The following SAMD12 variants were observed in gnomAD, a reference collection of about 807,000 sequenced individuals.
The protein encoded by SAMD12 is sterile alpha motif domain containing 12.
SAMD12 carries 9 observed loss-of-function variants against 15.0 expected under a neutral mutation model. The observed-to-expected ratio is 0.60, with a 90% CI of 0.36 to 1.05. The LOEUF is 1.05. SAMD12 is among the 50% of genes least tolerant of loss of function. The pLI is 0.01. For missense variants in SAMD12, 230 were observed against 234.2 expected, an observed-to-expected ratio of 0.98 and a Z score of 0.12; for synonymous variants, 86 against 90.1, an observed-to-expected ratio of 0.96 and a Z score of 0.25.
intron 4 of SAMD12, among the ~76,000 whole-genome samples, chr8:118,342,779 C>T (rs1285135312): frequency 6.6e-6 from 1 of 152,158 alleles, no homozygotes; most frequent in Non-Finnish European, 1.5e-5. Context: ...CAATTAATTA[C>T]TCTAGAAGTT....
At chr8:118,325,023 A>G (rs1816500504) in intron 4 of SAMD12, among the ~76,000 whole-genome samples, 1 of 152,192 alleles carries the variant, frequency 6.6e-6, no homozygotes, top group African/African-American at 2.4e-5. Context: ...AAGGAAGAGC[A>G]AACATGACTG....
rs1823659516 is a variant in SAMD12 at position 118,468,420 on chromosome 8, TATTGCC to T, written c.193-28465_193-28460del. On this transcript the variant is annotated intron_variant, in intron 2 of 3. Transcript: ENST00000314727. ...CAGTGTCTTTCAACTACCCTGCTAT[TATTGCC>T]ATTGGCTCAGAAATGCCTCTAGTAA... Among the ~76,000 whole-genome samples, 7 of 152,278 alleles carry T rather than the reference TATTGCC, an allele frequency of 4.6e-5. No individual in the cohort carries two copies. In the South Asian group the frequency reaches 1.5e-3, roughly 32 times the overall value.
At chr8:118,418,263 C>G (rs760992096) in intron 3 of SAMD12, among the ~76,000 whole-genome samples, 2 of 152,198 alleles carry the variant, frequency 1.3e-5, no homozygotes, top group South Asian at 4.1e-4. Flanking sequence ...ATGCAGCAGT[C>G]TTTTCTACTG....
chr8:118,504,560 C>T (rs1197480648), intron 2 of SAMD12, among the ~76,000 whole-genome samples: 1 of 152,208 alleles, frequency 6.6e-6, no homozygotes, highest in African/African-American at 2.4e-5. Context: ...GTCTTAATCC[C>T]TGTAGCCTGC....
the SAMD12 span, among the ~76,000 whole-genome samples, chr8:118,178,466 T>TA: frequency 3.3e-5 from 5 of 152,064 alleles, no homozygotes; most frequent in African/African-American, 7.2e-5. Context: ...TTTTTTAAAT[T>TA]AAAAAAAATT....
chr8:118,590,824 C>T (rs1563600905), intron 1 of SAMD12, among the ~76,000 whole-genome samples: 1 of 152,106 alleles, frequency 6.6e-6, no homozygotes, highest in Admixed American at 6.6e-5. Context: ...GACATCAGAA[C>T]TATCTGAGAA....
chr8:118,207,849 T>G (rs1819905912), intron 4 of SAMD12, among the ~76,000 whole-genome samples: 1 of 152,040 alleles, frequency 6.6e-6, no homozygotes, highest in Admixed American at 6.6e-5. Context: ...TTTTTAAAAA[T>G]CTCCAGATCC....
At position 118,289,884 on chromosome 8, in the gene SAMD12, C is replaced by T. The variant is rs537079701; in HGVS notation, c.433+89676G>A. 2.6e-5 allele frequency among the ~76,000 whole-genome samples: 4 copies of T among 152,232 alleles called. No homozygotes were observed. The South Asian group carries it at 8.3e-4, about 32-fold the overall frequency. On this transcript the variant is annotated intron_variant, in intron 4 of 4. Coordinates refer to the SAMD12 transcript ENST00000409003. The stretch of plus-strand genomic sequence containing the variant: ...GATACAGAGAGTAAAGACTTGGGTT[C>T]CAAATGTAACTAGATCAGAAAGATC...
intron 3 of SAMD12, among the ~76,000 whole-genome samples, chr8:118,418,544 G>A (rs915494017): frequency 1.3e-5 from 2 of 151,994 alleles, no homozygotes; most frequent in African/African-American, 2.4e-5. Context: ...GTGAAACCCC[G>A]TCTCTACTAC....
At chr8:118,333,957 C>A (rs111664568) in intron 4 of SAMD12, among the ~76,000 whole-genome samples, 4 of 77,218 alleles carry the variant, frequency 5.2e-5, no homozygotes, top group African/African-American at 2.0e-4. Flanking sequence ...TGCACATTGG[C>A]GGGGGGCAGG....
At chr8:118,433,599 G>A (rs1006748404) in intron 3 of SAMD12, among the ~76,000 whole-genome samples, 2 of 152,102 alleles carry the variant, frequency 1.3e-5, no homozygotes, top group Admixed American at 6.5e-5. Context: ...GCTAGTAAGT[G>A]TTCCATTAAA....
At chr8:118,607,541 T>G (rs577337972) in intron 1 of SAMD12, among the ~76,000 whole-genome samples, 1 of 152,316 alleles carries the variant, frequency 6.6e-6, no homozygotes, top group East Asian at 1.9e-4. Flanking sequence ...CCGCCAAATG[T>G]CCTAATTAGG....
At chr8:118,189,664 T>G (rs1811502955) in exon 5 of SAMD12, 1 of 152,044 alleles carries the variant, frequency 6.6e-6, no homozygotes, top group African/African-American at 2.4e-5. Flanking sequence ...CCTCAACTCT[T>G]TTTGAGGACA....
intron 4 of SAMD12, among the ~76,000 whole-genome samples, chr8:118,344,153 A>C (rs1817511100): frequency 6.6e-6 from 1 of 152,272 alleles, no homozygotes; most frequent in East Asian, 1.9e-4. Flanking sequence ...GTAGGTCTTT[A>C]CATTCATTGT....
intron 4 of SAMD12, among the ~76,000 whole-genome samples, chr8:118,205,392 G>T (rs1043731865): frequency 1.1e-4 from 17 of 152,174 alleles, no homozygotes; most frequent in African/African-American, 3.6e-4. Flanking sequence ...GTACTTCCTA[G>T]GTGCTTAGCA....
At chr8:118,229,425 T>A (rs1812258907) in intron 4 of SAMD12, among the ~76,000 whole-genome samples, 1 of 152,092 alleles carries the variant, frequency 6.6e-6, no homozygotes, top group Non-Finnish European at 1.5e-5. Context: ...TAGAATTCTT[T>A]CTCCCTGACT....
intron 4 of SAMD12, among the ~76,000 whole-genome samples, chr8:118,218,038 C>A (rs1812003224): frequency 6.6e-6 from 1 of 152,186 alleles, no homozygotes; most frequent in Admixed American, 6.5e-5. Context: ...GCATGCAGCT[C>A]ACACCAAGTA....
chr8:118,263,676 A>C (rs1202255761), intron 4 of SAMD12, among the ~76,000 whole-genome samples: 2 of 152,140 alleles, frequency 1.3e-5, no homozygotes, highest in African/African-American at 2.4e-5. Flanking sequence ...TTACAGAAGA[A>C]AGACTCCAAC....
chr8:118,376,223 C>T (rs1262924895), downstream of SAMD12, among the ~76,000 whole-genome samples: 1 of 152,168 alleles, frequency 6.6e-6, no homozygotes, highest in Non-Finnish European at 1.5e-5. Context: ...GATAACTCTT[C>T]TTAAAATGCG....
Sources: gnomAD v4.1 joint callset for allele counts (sites outside exome capture counted in the v4.1 genomes callset) on GRCh38, gnomAD v4.1.1 for gene constraint, MANE v1.5 for transcripts, NCBI Gene and HGNC (gene_info 2026-07-23, HGNC 2026-07-21) for gene names.